The following GARIN2 variants were observed in gnomAD, a reference collection of about 807,000 sequenced individuals.
GARIN2 encodes Golgi-associated RAB2 interactor protein 2.
chr14:67,194,223 G>A, the GARIN2 span, among the ~76,000 whole-genome samples: 2 of 151,818 alleles, frequency 1.3e-5, no homozygotes, highest in African/African-American at 4.8e-5. Context: ...AATTAGCCAG[G>A]TGTGATGGCA....
At chr14:67,226,235 A>T in the GARIN2 span, among the ~76,000 whole-genome samples, 7 of 152,190 alleles carry the variant, frequency 4.6e-5, no homozygotes, top group Non-Finnish European at 1.0e-4. Context: ...TCTGTCGCCC[A>T]GGCTGGAGTG....
the GARIN2 span, chr14:67,227,535 G>A: frequency 2.6e-5 from 4 of 151,226 alleles, no homozygotes; most frequent in Non-Finnish European, 5.9e-5. Flanking sequence ...TTTTTTAATG[G>A]TAGAAAAAGT....
the GARIN2 span, chr14:67,228,208 T>C: frequency 6.4e-6 from 1 of 156,272 alleles, no homozygotes; most frequent in Non-Finnish European, 1.4e-5. Context: ...AATAATGTTT[T>C]AATGGCTGGA....
chr14:67,200,387 A>G, the GARIN2 span: 3 of 590,156 alleles, frequency 5.1e-6, no homozygotes, highest in East Asian at 1.0e-4. Flanking sequence ...CCTTGGACCA[A>G]TCAGAGATGC....
chr14:67,200,380 T>C, the GARIN2 span: 4 of 605,308 alleles, frequency 6.6e-6, no homozygotes, highest in Non-Finnish European at 1.2e-5. Context: ...TTCGATACCT[T>C]GGACCAATCA....
At chr14:67,196,904 T>A in the GARIN2 span, 1 of 152,128 alleles carries the variant, frequency 6.6e-6, no homozygotes, top group Non-Finnish European at 1.5e-5. Context: ...AGAATTGAAA[T>A]TAGTTTCTTT....
At chr14:67,218,846 A>G in the GARIN2 span, among the ~76,000 whole-genome samples, 1 of 151,664 alleles carries the variant, frequency 6.6e-6, no homozygotes, top group South Asian at 2.1e-4. Flanking sequence ...CATGGATAAG[A>G]CTGTCGTACT....
chr14:67,193,311 T>TATAG, the GARIN2 span, among the ~76,000 whole-genome samples: 1 of 130,554 alleles, frequency 7.7e-6, no homozygotes. Flanking sequence ...TATATCTCTA[T>TATAG]ATAGATATCT....
the GARIN2 span, chr14:67,221,724 T>G: frequency 6.2e-7 from 1 of 1,601,296 alleles, no homozygotes; most frequent in Admixed American, 1.7e-5. Flanking sequence ...AGATCTTTTC[T>G]AAATATTTGT....
the GARIN2 span, among the ~76,000 whole-genome samples, chr14:67,194,471 G>T: frequency 2.0e-5 from 3 of 151,908 alleles, no homozygotes; most frequent in South Asian, 6.2e-4. Context: ...CAAAATGATG[G>T]CTTCACAGAA....
the GARIN2 span, among the ~76,000 whole-genome samples, chr14:67,213,095 G>GTTT: frequency 0.027 from 3,612 of 135,640 alleles, 153 homozygotes; most frequent in African/African-American, 0.09. Context: ...ATTCTGTGGT[G>GTTT]TTTTTTTTTT....
At chr14:67,219,093 A>G in the GARIN2 span, among the ~76,000 whole-genome samples, 1 of 152,000 alleles carries the variant, frequency 6.6e-6, no homozygotes, top group Middle Eastern at 3.2e-3. Flanking sequence ...TTTGGCTCAC[A>G]GGTGGTGATT....
the GARIN2 span, among the ~76,000 whole-genome samples, chr14:67,211,046 G>T: frequency 4.6e-5 from 7 of 151,958 alleles, no homozygotes; most frequent in African/African-American, 1.5e-4. Context: ...CAGATCTCTG[G>T]GTTCAAATCC....
At chr14:67,210,633 T>C in the GARIN2 span, among the ~76,000 whole-genome samples, 1 of 152,066 alleles carries the variant, frequency 6.6e-6, no homozygotes, top group South Asian at 2.1e-4. Flanking sequence ...AAACTTTCGT[T>C]ATATAATTGA....
chr14:67,225,948 TGTGTGTGTGTGTGTGC>T, the GARIN2 span, among the ~76,000 whole-genome samples: 7 of 137,212 alleles, frequency 5.1e-5, no homozygotes, highest in East Asian at 9.1e-4. Flanking sequence ...TGTGTGTGTG[TGTGTGTGTGTGTGTGC>T]GCGCGCGCGC....
the GARIN2 span, among the ~76,000 whole-genome samples, chr14:67,194,102 C>A: frequency 2.3e-3 from 351 of 152,060 alleles, no homozygotes; most frequent in Admixed American, 5.0e-3. Flanking sequence ...GTGACTCACA[C>A]CTATAATCCT....
chr14:67,225,652 AGTG>A, the GARIN2 span, among the ~76,000 whole-genome samples: 1 of 152,172 alleles, frequency 6.6e-6, no homozygotes, highest in Non-Finnish European at 1.5e-5. Context: ...ATATTCGTAG[AGTG>A]CCTGCAGGGC....
At chr14:67,228,338 T>C in the GARIN2 span, 3 of 488,154 alleles carry the variant, frequency 6.1e-6, no homozygotes, top group Non-Finnish European at 8.0e-6. Context: ...ATTTAGTTCA[T>C]CTTGTCTTAT....
At chr14:67,196,192 TTTTC>T in the GARIN2 span, among the ~76,000 whole-genome samples, 5 of 151,954 alleles carry the variant, frequency 3.3e-5, no homozygotes, top group Non-Finnish European at 1.5e-5. Flanking sequence ...GGAGCTTTCT[TTTTC>T]TTTCCTTTCT....
Sources: allele counts gnomAD v4.1 joint callset (sites outside exome capture counted in the v4.1 genomes callset), GRCh38; gene constraint gnomAD v4.1.1; transcripts MANE v1.5; gene names NCBI Gene and HGNC (gene_info 2026-07-23, HGNC 2026-07-21).